The following POLG2 variants were observed in gnomAD, a reference collection of about 807,000 sequenced individuals.
POLG2 encodes DNA polymerase subunit gamma-2.
POLG2 carries 50 observed loss-of-function variants against 56.5 expected under a neutral mutation model. That is an observed-to-expected ratio of 0.88 (90% CI 0.71 to 1.12). The LOEUF (loss-of-function observed/expected upper bound fraction) is 1.12. Among genes scored for constraint, POLG2 ranks in the 50% most tolerant of loss-of-function variants. POLG2 has a pLI of 0.00. For missense variants in POLG2, 584 were observed against 583.3 expected (o/e 1.00, Z -0.01); for synonymous variants, 226 against 222.6 (o/e 1.02, Z -0.14).
At chr17:64,486,709 A>G (rs782338485) in intron 4 of POLG2, among the ~76,000 whole-genome samples, 2 of 152,218 alleles carry the variant, frequency 1.3e-5, no homozygotes, top group Middle Eastern at 3.2e-3. Context: ...TGATTATTCA[A>G]AAGAGGCCTT....
At chr17:64,488,452 T>C (rs2037996306) in intron 4 of POLG2, among the ~76,000 whole-genome samples, 1 of 149,902 alleles carries the variant, frequency 6.7e-6, no homozygotes, top group Non-Finnish European at 1.5e-5. Context: ...CCTGTAATCT[T>C]AGCACTCAGA....
intron 4 of POLG2, among the ~76,000 whole-genome samples, chr17:64,489,410 T>C (rs2038017686): frequency 6.7e-6 from 1 of 150,118 alleles, no homozygotes; most frequent in Admixed American, 6.7e-5. Flanking sequence ...GCAAACCTCA[T>C]CGTAGTAACT....
At chr17:64,491,082 C>A in intron 3 of POLG2, 113 bp from the exon 4 acceptor site, 2 of 827,890 alleles carry the variant, frequency 2.4e-6, no homozygotes, top group Non-Finnish European at 4.0e-6. Flanking sequence ...AGCAAATGTG[C>A]GAAACTAGTC....
At chr17:64,489,373 AAAGGG>A (rs1213873333) in intron 4 of POLG2, among the ~76,000 whole-genome samples, 11 of 151,930 alleles carry the variant, frequency 7.2e-5, no homozygotes, top group African/African-American at 2.7e-4. Flanking sequence ...AAAAAAAAAA[AAAGGG>A]AAGGGGAAAA....
chr17:64,479,231 T>G (rs1424197510), intron 7 of POLG2, among the ~76,000 whole-genome samples: 3 of 149,984 alleles, frequency 2.0e-5, no homozygotes, highest in Non-Finnish European at 3.0e-5. Context: ...TCACCCAGGA[T>G]GGAGTGCAGT....
In POLG2 at chr17:64,496,787, C is replaced by T; in HGVS notation, c.182G>A (p.Gly61Glu). Residue 61 changes from glycine (G) to glutamate (E), a missense_variant, in exon 1 of 8, where the codon GGG (glycine) becomes GAG (glutamate). Gly to Glu is a moderately conservative substitution (Grantham distance 98, BLOSUM62 -2). Transcript: ENST00000539111. ...EGNGEHPEAP[G>E]SGEGSEALLE... The stretch of plus-strand genomic sequence containing the variant: ...CAGCGCCTCGCTTCCCTCTCCAGAC[C>T]CGGGGGCTTCTGGGTGCTCGCCGTT... 1 of 1,613,904 alleles carries T rather than the reference C, an allele frequency of 6.2e-7. No individual in the cohort carries two copies.
At chr17:64,486,552 C>T (rs1439740804) in intron 4 of POLG2, among the ~76,000 whole-genome samples, 1 of 151,968 alleles carries the variant, frequency 6.6e-6, no homozygotes, top group East Asian at 1.9e-4. Context: ...TTAGTAGGGA[C>T]GGGGTTTCAC....
Position 64,496,796 on chromosome 17 carries a change from T to C in POLG2, c.173A>G (p.Glu58Gly). The C allele has an allele frequency of 6.2e-7, 1 of 1,613,852 alleles. No homozygotes were observed. Reference sequence around the variant, plus strand: ...GCTTCCCTCTCCAGACCCGGGGGCTTCTGGGTGCTCGCCGTTCCCCTCGAG... The same window carrying C: ...GCTTCCCTCTCCAGACCCGGGGGCTCCTGGGTGCTCGCCGTTCCCCTCGAG... Reference protein sequence around the residue: ...AELEGNGEHPEAPGSGEGSEA... With the variant: ...AELEGNGEHPGAPGSGEGSEA... Residue 58 changes from glutamate (E) to glycine (G), a missense_variant, in exon 1 of 8, where the codon GAA becomes GGA. By Grantham distance (98) the Glu-to-Gly change is moderately conservative. Coordinates refer to ENST00000539111, the MANE Select transcript of POLG2 (RefSeq NM_007215.4).
At chr17:64,489,217 AAAT>A (rs1555668070) in intron 4 of POLG2, among the ~76,000 whole-genome samples, 1 of 151,798 alleles carries the variant, frequency 6.6e-6, no homozygotes. Context: ...CCATCAAAAT[AAAT>A]AATGACAGTA....
chr17:64,487,259 A>G (rs2037973749), intron 4 of POLG2: 1 of 152,226 alleles, frequency 6.6e-6, no homozygotes, highest in South Asian at 2.1e-4. Flanking sequence ...AAACTTTCTG[A>G]TACCTGGGAC....
intron 4 of POLG2, among the ~76,000 whole-genome samples, chr17:64,489,849 C>A (rs1555668190): frequency 6.6e-6 from 1 of 151,992 alleles, no homozygotes; most frequent in Non-Finnish European, 1.5e-5. Flanking sequence ...ACCAGTAAGG[C>A]AAAATTTGGT....
chr17:64,495,320 C>T (rs782161720), intron 1 of POLG2, among the ~76,000 whole-genome samples: 14 of 152,252 alleles, frequency 9.2e-5, no homozygotes, highest in Non-Finnish European at 1.6e-4. Context: ...TGGCTCACAC[C>T]TGTAATCCCA....
At chr17:64,483,620 C>T (rs1555666927) in intron 5 of POLG2, among the ~76,000 whole-genome samples, 1 of 151,996 alleles carries the variant, frequency 6.6e-6, no homozygotes, top group African/African-American at 2.4e-5. Context: ...GCCTGGGCCA[C>T]GTGGCTTACC....
intron 4 of POLG2, among the ~76,000 whole-genome samples, chr17:64,488,923 CAACAG>C (rs1157308138): frequency 3.3e-5 from 5 of 151,768 alleles, no homozygotes; most frequent in Non-Finnish European, 5.9e-5. Context: ...CCAGCCTGGG[CAACAG>C]AGTGAGATGC....
chr17:64,484,842 T>G (rs182431927), intron 5 of POLG2, among the ~76,000 whole-genome samples: 1 of 152,330 alleles, frequency 6.6e-6, no homozygotes, highest in Non-Finnish European at 1.5e-5. Flanking sequence ...TACAAACTCA[T>G]GGTTCCCAAT....
chr17:64,489,586 C>T (rs2038020746), intron 4 of POLG2, among the ~76,000 whole-genome samples: 1 of 151,772 alleles, frequency 6.6e-6, no homozygotes, highest in Non-Finnish European at 1.5e-5. Context: ...CAAAGCTAGA[C>T]CCCGTCTCTA....
At chr17:64,481,099 C>T (rs2037848897) in intron 6 of POLG2, 2 of 180,760 alleles carry the variant, frequency 1.1e-5, no homozygotes, top group South Asian at 3.7e-4. Flanking sequence ...GGGTGTTTAG[C>T]AGCATTCCTG....
Position 64,496,898 on chromosome 17 carries a change from C to A in POLG2, c.71G>T (p.Arg24Leu). 1 of 1,613,152 alleles carries A rather than the reference C, an allele frequency of 6.2e-7. No homozygotes were observed. Among genetic ancestry groups the A allele is most frequent in the Non-Finnish European group, 8.5e-7 (1 of 1,180,022 alleles). ...CRCLLSGFGGRVDAGQPELLT... is the reference protein window; with the variant it reads ...CRCLLSGFGGLVDAGQPELLT... The stretch of plus-strand genomic sequence containing the variant: ...CAGCTCCGGCTGCCCCGCATCTACT[C>A]GACCCCCAAACCCAGACAACAGGCA... The change falls in exon 1 of 8, where the codon CGA (arginine) becomes CTA (leucine). Residue 24 changes from arginine to leucine, a missense_variant. Coordinates refer to ENST00000539111, the MANE Select transcript of POLG2 (RefSeq NM_007215.4).
At chr17:64,489,077 G>A (rs2038010232) in intron 4 of POLG2, among the ~76,000 whole-genome samples, 1 of 145,810 alleles carries the variant, frequency 6.9e-6, no homozygotes, top group African/African-American at 2.5e-5. Context: ...ACAGGCTGGA[G>A]TGCAGCAGCA....
Sources: allele counts gnomAD v4.1 joint callset (sites outside exome capture counted in the v4.1 genomes callset), GRCh38; gene constraint gnomAD v4.1.1; transcripts MANE v1.5; gene names NCBI Gene and HGNC (gene_info 2026-07-23, HGNC 2026-07-21).